Variants in DNAJC24 observed in about 807,000 individuals in gnomAD.
DNAJC24 encodes the protein DnaJ heat shock protein family (Hsp40) member C24.
Under a neutral mutation model 18.0 loss-of-function variants are expected in DNAJC24, and 17 were observed. The ratio of observed to expected loss-of-function variants is 0.94; its 90% CI spans 0.65 to 1.42. DNAJC24 has a LOEUF of 1.42. DNAJC24 is among the 40% of genes most tolerant of loss of function. The pLI is 0.00. For missense variants in DNAJC24, 158 were observed against 175.6 expected, an observed-to-expected ratio of 0.90 and a Z score of 0.57; for synonymous variants, 55 against 57.7, an observed-to-expected ratio of 0.95 and a Z score of 0.21.
At chr11:31,370,647 G>A (rs1315760814) in intron 1 of DNAJC24, 69 bp from the exon 2 acceptor site, 2 of 630,736 alleles carry the variant, frequency 3.2e-6, no homozygotes, top group African/African-American at 1.9e-5. Context: ...GAATTTACAA[G>A]GGCAGTACTT....
chr11:31,379,313 A>C (rs758757700), intron 2 of DNAJC24, among the ~76,000 whole-genome samples: 1 of 152,100 alleles, frequency 6.6e-6, no homozygotes, highest in Non-Finnish European at 1.5e-5. Flanking sequence ...TGTGCATGTG[A>C]GGGATGTAGG....
At chr11:31,407,827 C>G (rs1425214718) in intron 2 of DNAJC24, among the ~76,000 whole-genome samples, 7 of 148,826 alleles carry the variant, frequency 4.7e-5, no homozygotes, top group Non-Finnish European at 7.4e-5. Flanking sequence ...AGTTGAAAAA[C>G]TTGTTTCTGT....
intron 3 of DNAJC24, among the ~76,000 whole-genome samples, chr11:31,424,882 C>T (rs147122250): frequency 6.6e-6 from 1 of 152,184 alleles, no homozygotes; most frequent in Non-Finnish European, 1.5e-5. Flanking sequence ...CAAAGGGAAG[C>T]ATTCTCAGCA....
intron 2 of DNAJC24, among the ~76,000 whole-genome samples, chr11:31,401,157 C>T (rs976139396): frequency 1.3e-5 from 2 of 152,088 alleles, no homozygotes; most frequent in Non-Finnish European, 2.9e-5. Flanking sequence ...TAGTGAAATG[C>T]AAATCAAAAC....
chr11:31,431,077 T>G lies in DNAJC24; in HGVS notation c.*676T>G, dbSNP rs972736742. On this transcript the variant is annotated 3_prime_UTR_variant, in exon 5 of 5. Transcript: ENST00000465995. ...CTCTGTCGCGCCAGCTGGAGTGCAG[T>G]GCCATGATCTCAGGTCGCTGTAACC... 6.6e-6 allele frequency: 1 copy of G among 152,182 alleles called. No homozygotes were observed. Among genetic ancestry groups the G allele is most frequent in the African/African-American group, 2.4e-5 (1 of 41,442 alleles). 9.4% of individuals were successfully genotyped at this position (152,182 alleles called of 1,614,324 possible).
At chr11:31,417,472 A>G (rs1422904138) in intron 3 of DNAJC24, 28 of 152,050 alleles carry the variant, frequency 1.8e-4, no homozygotes, top group Admixed American at 1.8e-3. Context: ...AACCTTTGAG[A>G]GTAATAATTT....
intron 2 of DNAJC24, among the ~76,000 whole-genome samples, chr11:31,399,456 C>T (rs1426704594): frequency 6.7e-6 from 1 of 150,342 alleles, no homozygotes; most frequent in Admixed American, 6.6e-5. Context: ...GCTCCGTCAC[C>T]CAGGCTGGAG....
At chr11:31,382,527 A>G (rs1027087458) in intron 2 of DNAJC24, among the ~76,000 whole-genome samples, 1 of 152,212 alleles carries the variant, frequency 6.6e-6, no homozygotes, top group African/African-American at 2.4e-5. Flanking sequence ...ATTGTCCATC[A>G]AAACATTTAA....
At chr11:31,408,670 A>G (rs1020543310) in intron 2 of DNAJC24, among the ~76,000 whole-genome samples, 1 of 152,230 alleles carries the variant, frequency 6.6e-6, no homozygotes, top group Non-Finnish European at 1.5e-5. Context: ...TTGTAGTACC[A>G]TGAATGATCC....
At chr11:31,418,356 C>T (rs1952770554) in intron 3 of DNAJC24, among the ~76,000 whole-genome samples, 1 of 151,998 alleles carries the variant, frequency 6.6e-6, no homozygotes, top group South Asian at 2.1e-4. Flanking sequence ...CTTTATAAAT[C>T]TTGTGGGGAG....
intron 2 of DNAJC24, among the ~76,000 whole-genome samples, chr11:31,407,111 GGT>G (rs1387248897): frequency 6.6e-6 from 1 of 152,118 alleles, no homozygotes; most frequent in African/African-American, 2.4e-5. Flanking sequence ...TCCTATTGAT[GGT>G]ACTAAAACTC....
rs1952930394 is a variant in DNAJC24, at chr11:31,432,058, T to C, written c.*1657T>C. 6.6e-6 allele frequency among the ~76,000 whole-genome samples: 1 copy of C among 152,184 alleles called. No homozygotes were observed. The highest frequency in any genetic ancestry group is 6.5e-5 in the Admixed American group (1 of 15,276). On this transcript the variant is annotated 3_prime_UTR_variant, in exon 5 of 5. Transcript: ENST00000465995. ...ATCCTTTAGAAACATTTTTACTTAATTTCAAATGAGTGGGCTGAGCATGTA... is the reference window on the plus strand; with the variant it reads ...ATCCTTTAGAAACATTTTTACTTAACTTCAAATGAGTGGGCTGAGCATGTA...
chr11:31,395,838 CTT>C (rs1187973733), intron 2 of DNAJC24, among the ~76,000 whole-genome samples: 1 of 152,132 alleles, frequency 6.6e-6, no homozygotes, highest in Non-Finnish European at 1.5e-5. Flanking sequence ...AGTTGAATAA[CTT>C]TTCTGGGATC....
intron 3 of DNAJC24, among the ~76,000 whole-genome samples, chr11:31,423,654 G>A (rs917348259): frequency 4.6e-5 from 7 of 152,140 alleles, no homozygotes; most frequent in Non-Finnish European, 8.8e-5. Context: ...TTTGTGTAAC[G>A]GGTAATCATA....
chr11:31,386,615 T>TG (rs1305404275), intron 2 of DNAJC24, among the ~76,000 whole-genome samples: 1 of 151,448 alleles, frequency 6.6e-6, no homozygotes, highest in Non-Finnish European at 1.5e-5. Context: ...GTACTTGCTG[T>TG]GGGCCTTGGG....
intron 3 of DNAJC24, 60 bp downstream of exon 3, chr11:31,415,009 G>A (rs1317206232): frequency 1.3e-6 from 2 of 1,563,892 alleles, no homozygotes; most frequent in Non-Finnish European, 1.7e-6. Context: ...ACACTCTGCA[G>A]CCATTCCTGG....
chr11:31,374,826 G>C (rs1356652114), intron 2 of DNAJC24, among the ~76,000 whole-genome samples: 1 of 134,612 alleles, frequency 7.4e-6, no homozygotes, highest in East Asian at 1.9e-4. Flanking sequence ...TTCAGTTTTT[G>C]CAGGTACACT....
chr11:31,408,408 T>C (rs1952675734), intron 2 of DNAJC24: 1 of 341,626 alleles, frequency 2.9e-6, no homozygotes, highest in Admixed American at 4.1e-5. Context: ...ACATTTTGAG[T>C]AGCACTGAGG....
Position 31,374,985 on chromosome 11 carries a change from T to C in DNAJC24, c.111+4126T>C, listed in dbSNP as rs1403894204. On this transcript the variant is annotated intron_variant, in intron 2 of 4. Coordinates refer to ENST00000465995, the MANE Select transcript of DNAJC24 (RefSeq NM_181706.5). Reference sequence around the variant, plus strand: ...TATGCCTTTTTTTAAAAAATTATTATTCCTTTTCTGTTACTATCAAGGAAT... The same window carrying C: ...TATGCCTTTTTTTAAAAAATTATTACTCCTTTTCTGTTACTATCAAGGAAT... 5.2e-5 allele frequency among the ~76,000 whole-genome samples: 7 copies of C among 134,898 alleles called. 2 individuals are homozygous for C. The highest frequency in any genetic ancestry group is 4.6e-4 in the Admixed American group (6 of 13,094). The allele number at this position is 134,898 out of a possible 152,430, so 88.5% of individuals were successfully genotyped here.
Sources: allele counts gnomAD v4.1 joint callset (sites outside exome capture counted in the v4.1 genomes callset), GRCh38; gene constraint gnomAD v4.1.1; transcripts MANE v1.5; gene names NCBI Gene and HGNC (gene_info 2026-07-23, HGNC 2026-07-21).